Variants in ERBB4 observed in about 807,000 individuals in gnomAD.
ERBB4 encodes the protein erb-b2 receptor tyrosine kinase 4, also known as receptor tyrosine-protein kinase erbB-4.
ERBB4 carries 42 observed loss-of-function variants against 158.0 expected under a neutral mutation model. The observed-to-expected ratio is 0.27, with a 90% CI of 0.21 to 0.34. ERBB4 has a LOEUF of 0.34. ERBB4 is among the 10% of genes least tolerant of loss of function. The pLI is 1.00. For missense variants in ERBB4, 1,333 were observed against 1,624.1 expected (o/e 0.82, Z 3.08); for synonymous variants, 583 against 558.7 (o/e 1.04, Z -0.61).
chr2:212,062,965 A>C (rs2125427053), intron 2 of ERBB4, among the ~76,000 whole-genome samples: 1 of 152,320 alleles, frequency 6.6e-6, no homozygotes, highest in East Asian at 1.9e-4. Context: ...TACCTAGCTC[A>C]CTGAGTTATT....
intron 19 of ERBB4, among the ~76,000 whole-genome samples, chr2:211,568,738 T>C (rs887696345): frequency 1.3e-5 from 2 of 152,084 alleles, no homozygotes; most frequent in African/African-American, 4.8e-5. Context: ...CTACACATCA[T>C]GCAACCATCA....
chr2:211,933,133 T>C (rs1209128960), intron 3 of ERBB4, among the ~76,000 whole-genome samples: 3 of 152,036 alleles, frequency 2.0e-5, no homozygotes, highest in Admixed American at 6.6e-5. Flanking sequence ...TAATTCTTGA[T>C]TCACCTCTTT....
chr2:211,484,814 G>A (rs1259403444), intron 20 of ERBB4, among the ~76,000 whole-genome samples: 1 of 152,128 alleles, frequency 6.6e-6, no homozygotes, highest in African/African-American at 2.4e-5. Context: ...AAGAAAACCA[G>A]CACAGATAAA....
At chr2:212,476,024 C>A (rs1186822932) in intron 1 of ERBB4, among the ~76,000 whole-genome samples, 1 of 151,884 alleles carries the variant, frequency 6.6e-6, no homozygotes, top group African/African-American at 2.4e-5. Context: ...TATTCTTTGC[C>A]TATATCCTCC....
intron 2 of ERBB4, among the ~76,000 whole-genome samples, chr2:211,950,912 C>T (rs149029229): frequency 2.9e-4 from 44 of 152,254 alleles, no homozygotes; most frequent in African/African-American, 9.6e-4. Flanking sequence ...TGAGCTGTTA[C>T]CTCTTTGAAT....
chr2:212,386,552 A>G (rs2090682707), intron 1 of ERBB4, among the ~76,000 whole-genome samples: 1 of 150,776 alleles, frequency 6.6e-6, no homozygotes, highest in Non-Finnish European at 1.5e-5. Flanking sequence ...AAAAGCAAAT[A>G]TACTACTTCC....
intron 20 of ERBB4, among the ~76,000 whole-genome samples, chr2:211,456,059 C>A (rs1365451799): frequency 6.6e-6 from 1 of 152,148 alleles, no homozygotes; most frequent in Non-Finnish European, 1.5e-5. Context: ...CCCGAACATA[C>A]AAACTTATTG....
At chr2:211,935,124 A>G (rs1014131973) in intron 3 of ERBB4, among the ~76,000 whole-genome samples, 1 of 152,216 alleles carries the variant, frequency 6.6e-6, no homozygotes. Context: ...TCTGAACTCT[A>G]TAAATTATTG....
rs199889266 is a variant in ERBB4, at chr2:211,696,055, CTCCCT to C, written c.1489+5907_1489+5911del. Among the ~76,000 whole-genome samples, 187 of 117,144 alleles carry C rather than the reference CTCCCT, an allele frequency of 1.6e-3. 1 individual carries two copies. The highest frequency in any genetic ancestry group is 5.7e-3 in the African/African-American group (180 of 31,698). 76.9% of individuals were successfully genotyped at this position (117,144 alleles called of 152,430 possible). ...TCCTTCCCTCCTTCCCCTTCCCCCC[CTCCCT>C]CCCTCCCTCCTTCCTTCCTTCCTTT... On this transcript the variant is annotated intron_variant, in intron 12 of 27. Coordinates refer to ENST00000342788, the MANE Select transcript of ERBB4 (RefSeq NM_005235.3).
rs1394013413 is a variant in ERBB4, at chr2:211,994,957, G to C, written c.235-47341C>G. ...ATCAACTGAACTTCAAGCTATTAAG[G>C]CCTGACATTCTGGGAATTCTCTGAT... On this transcript the variant is annotated intron_variant, in intron 2 of 27. Transcript: ENST00000342788. 3.9e-5 allele frequency among the ~76,000 whole-genome samples: 6 copies of C among 152,222 alleles called. No individual in the cohort carries two copies. In the East Asian group the frequency reaches 9.7e-4, roughly 25 times the overall value.
intron 1 of ERBB4, among the ~76,000 whole-genome samples, chr2:212,537,153 C>A (rs547725807): frequency 7.2e-6 from 1 of 139,598 alleles, no homozygotes. Flanking sequence ...GCGGCGGCGG[C>A]GGAGCGGGAA....
chr2:212,240,679 G>GAAAA (rs1199558046), intron 1 of ERBB4, among the ~76,000 whole-genome samples: 1 of 83,744 alleles, frequency 1.2e-5, no homozygotes, highest in Admixed American at 1.1e-4. Context: ...AGAAAAAAAA[G>GAAAA]AAAAAAGGAC....
chr2:212,441,607 G>A (rs939538051), intron 1 of ERBB4, among the ~76,000 whole-genome samples: 3 of 152,148 alleles, frequency 2.0e-5, no homozygotes, highest in Admixed American at 2.0e-4. Flanking sequence ...AATGATGGAA[G>A]GAACATAGAG....
chr2:212,096,861 A>C (rs1168920378), intron 2 of ERBB4, among the ~76,000 whole-genome samples: 1 of 152,146 alleles, frequency 6.6e-6, no homozygotes, highest in African/African-American at 2.4e-5. Context: ...TCTGCTATTC[A>C]AAAGCAATGT....
chr2:212,460,418 G>C lies in ERBB4; in HGVS notation c.82+78031C>G, dbSNP rs1688512068. On this transcript the variant is annotated intron_variant, in intron 1 of 27. Coordinates refer to ENST00000342788, the MANE Select transcript of ERBB4 (RefSeq NM_005235.3). ...GTTTGGAACTTCGTAGAGACTTGTT[G>C]AATGGCTTTGACAAAAATGCTGATA... Among the ~76,000 whole-genome samples the C allele has an allele frequency of 2.0e-5, 3 of 152,184 alleles. No homozygotes were observed. The South Asian group carries it at 6.2e-4, about 32-fold the overall frequency.
At position 212,318,951 on chromosome 2, in the gene ERBB4, A is replaced by G. The variant is rs146917049; in HGVS notation, c.83-194048T>C. Among the ~76,000 whole-genome samples, 129 of 151,562 alleles carry G rather than the reference A, an allele frequency of 8.5e-4. 1 individual carries two copies. Among genetic ancestry groups the G allele is most frequent in the African/African-American group, 2.9e-3 (121 of 41,444 alleles). ...GAGCCAGTGGGGACCAATCCTCACC[A>G]TTTTTCAGTGTTCTCTTTGCTTCAG... is the stretch of plus-strand genomic sequence containing the variant. On this transcript the variant is annotated intron_variant, in intron 1 of 27. Coordinates refer to ENST00000342788, the MANE Select transcript of ERBB4 (RefSeq NM_005235.3).
chr2:212,157,431 G>A (rs1250162327), intron 1 of ERBB4, among the ~76,000 whole-genome samples: 1 of 152,060 alleles, frequency 6.6e-6, no homozygotes, highest in Admixed American at 6.6e-5. Flanking sequence ...CAGGATTTAT[G>A]TCACTACAAC....
At chr2:211,992,743 C>G (rs2082110164) in intron 2 of ERBB4, among the ~76,000 whole-genome samples, 1 of 152,048 alleles carries the variant, frequency 6.6e-6, no homozygotes, top group African/African-American at 2.4e-5. Context: ...TACTCGGATA[C>G]CAGGAAATCA....
chr2:212,327,194 G>T (rs7562328), intron 1 of ERBB4, among the ~76,000 whole-genome samples: 4 of 142,040 alleles, frequency 2.8e-5, no homozygotes, highest in African/African-American at 7.4e-5. Context: ...TATTATTATT[G>T]TTACTATTAA....
Sources: allele counts gnomAD v4.1 joint callset (sites outside exome capture counted in the v4.1 genomes callset), GRCh38; gene constraint gnomAD v4.1.1; transcripts MANE v1.5; gene names NCBI Gene and HGNC (gene_info 2026-07-23, HGNC 2026-07-21).